PPAT: variants seen among roughly 807,000 people sequenced by gnomAD.
PPAT encodes phosphoribosyl pyrophosphate amidotransferase, also known as amidophosphoribosyltransferase.
A neutral mutation model predicts 60.2 loss-of-function variants in PPAT; 20 were observed. The ratio of observed to expected loss-of-function variants is 0.33; its 90% CI spans 0.23 to 0.48. PPAT has a LOEUF of 0.48. PPAT is among the 20% of genes least tolerant of loss of function. The probability of loss-of-function intolerance (pLI) is 0.99; values close to 1 mark genes in which losing one functional copy is unlikely to be tolerated. For synonymous variants in PPAT, 194 were observed against 215.1 expected, an observed-to-expected ratio of 0.90 and a Z score of 0.86; for missense variants, 349 against 629.6, an observed-to-expected ratio of 0.55 and a Z score of 4.77.
At chr4:56,397,058 A>G (rs1489382128) in intron 9 of PPAT, among the ~76,000 whole-genome samples, 1 of 152,154 alleles carries the variant, frequency 6.6e-6, no homozygotes, top group East Asian at 1.9e-4. Context: ...TTATAACAAA[A>G]ACCTTACTAC....
chr4:56,428,906 A>C, intron 1 of PPAT: 1 of 651,810 alleles, frequency 1.5e-6, no homozygotes, highest in Non-Finnish European at 1.9e-6. Context: ...AAATGATGTC[A>C]CATAATGATT....
chr4:56,419,612 AG>A (rs1328646886), intron 1 of PPAT: 1 of 935,222 alleles, frequency 1.1e-6, no homozygotes, highest in East Asian at 1.2e-4. Flanking sequence ...TACCTAATGC[AG>A]GTATCTCTAC....
At chr4:56,402,972 G>A (rs776835727) in intron 5 of PPAT, 68 bp downstream of exon 5, 35 of 1,417,776 alleles carry the variant, frequency 2.5e-5, no homozygotes, top group Non-Finnish European at 3.1e-5. Flanking sequence ...AAAGATTTCA[G>A]GGCTTGATAG....
intron 1 of PPAT, chr4:56,422,816 T>C (rs745649745): frequency 1.3e-5 from 2 of 152,172 alleles, no homozygotes; most frequent in Non-Finnish European, 2.9e-5. Context: ...AAATAATTAA[T>C]GGAAGCAATG....
chr4:56,413,730 T>C (rs1716583671), intron 1 of PPAT, among the ~76,000 whole-genome samples: 1 of 151,934 alleles, frequency 6.6e-6, no homozygotes, highest in Non-Finnish European at 1.5e-5. Context: ...ACCCCGTCTC[T>C]ACTAAAAATA....
chr4:56,426,401 C>CA (rs113640946), intron 1 of PPAT, among the ~76,000 whole-genome samples: 5,726 of 140,126 alleles, frequency 0.041, 341 homozygotes, highest in African/African-American at 0.13. Context: ...GACTCTGTCT[C>CA]AAAAAAAAAA....
chr4:56,410,043 CTT>C (rs1157702159), intron 1 of PPAT, among the ~76,000 whole-genome samples: 2 of 152,118 alleles, frequency 1.3e-5, no homozygotes, highest in Non-Finnish European at 2.9e-5. Flanking sequence ...AATAAATTGA[CTT>C]ATGATTTCTT....
At chr4:56,419,743 T>G (rs2030364) in intron 1 of PPAT, 492,645 of 981,750 alleles carry the variant, frequency 0.5, 124,346 homozygotes, top group East Asian at 0.53. Flanking sequence ...GATAAAAGCA[T>G]ACAACGACAA....
intron 1 of PPAT, chr4:56,431,499 CAA>C (rs767112601): frequency 6.1e-6 from 6 of 979,932 alleles, no homozygotes; most frequent in Non-Finnish European, 7.3e-6. Context: ...ATAACAGAAC[CAA>C]AAGATTCTAC....
chr4:56,406,424 C>G, intron 3 of PPAT, 71 bp downstream of exon 3: 1 of 1,488,540 alleles, frequency 6.7e-7, no homozygotes, highest in South Asian at 1.1e-5. Flanking sequence ...TTACAAAGAT[C>G]CTTAACTTTT....
At chr4:56,431,404 C>T in intron 1 of PPAT, 2 of 976,732 alleles carry the variant, frequency 2.0e-6, no homozygotes, top group Non-Finnish European at 1.2e-6. Context: ...TGGTAATGTT[C>T]TGTACTCTGT....
chr4:56,433,375 C>T (rs573201368), intron 1 of PPAT, among the ~76,000 whole-genome samples: 4 of 137,880 alleles, frequency 2.9e-5, no homozygotes, highest in African/African-American at 1.1e-4. Context: ...ATATATGTAA[C>T]CAGGAATCAA....
intron 9 of PPAT, among the ~76,000 whole-genome samples, chr4:56,397,775 C>G (rs1260151996): frequency 2.0e-5 from 3 of 151,922 alleles, no homozygotes; most frequent in African/African-American, 7.2e-5. Context: ...GGTATGGTGG[C>G]TCACACCTGT....
intron 1 of PPAT, among the ~76,000 whole-genome samples, chr4:56,412,862 T>G (rs1716532369): frequency 6.6e-6 from 1 of 152,198 alleles, no homozygotes; most frequent in Non-Finnish European, 1.5e-5. Context: ...ATACCACTAG[T>G]TGTTCTTTAC....
At chr4:56,397,764 G>A (rs766911124) in intron 9 of PPAT, among the ~76,000 whole-genome samples, 2 of 152,022 alleles carry the variant, frequency 1.3e-5, no homozygotes, top group African/African-American at 2.4e-5. Context: ...AAGTGAGGCC[G>A]GGTATGGTGG....
At chr4:56,414,791 C>T (rs1357685325) in intron 1 of PPAT, among the ~76,000 whole-genome samples, 1 of 152,162 alleles carries the variant, frequency 6.6e-6, no homozygotes, top group Non-Finnish European at 1.5e-5. Flanking sequence ...TGTTAAATAA[C>T]CTGGGCCCTG....
rs557415803 is a variant in PPAT at position 56,393,950 on chromosome 4, G to C, written c.*1402C>G. On this transcript the variant is annotated 3_prime_UTR_variant, in exon 11 of 11. Coordinates refer to ENST00000264220, the MANE Select transcript of PPAT (RefSeq NM_002703.5). ...TAAAGAGCTGTCAAAATTTTATCTT[G>C]GCCTGCTATAATATAATATGCGAGA... 84 of 152,140 alleles carry C rather than the reference G, an allele frequency of 5.5e-4. No homozygotes were observed. The highest frequency in any genetic ancestry group is 1.9e-3 in the African/African-American group (77 of 41,496). 9.4% of individuals were successfully genotyped at this position (152,140 alleles called of 1,614,324 possible).
chr4:56,434,188 T>C (rs1717767270), intron 1 of PPAT, among the ~76,000 whole-genome samples: 1 of 152,230 alleles, frequency 6.6e-6, no homozygotes, highest in African/African-American at 2.4e-5. Context: ...GCTTCCCACA[T>C]TCTCAGCTCT....
At chr4:56,432,864 AC>A (rs1273051132) in intron 1 of PPAT, among the ~76,000 whole-genome samples, 1 of 151,358 alleles carries the variant, frequency 6.6e-6, no homozygotes, top group Non-Finnish European at 1.5e-5. Context: ...ACACAATCAA[AC>A]CTTTTTGCAG....
Sources: gnomAD v4.1 joint callset for allele counts (sites outside exome capture counted in the v4.1 genomes callset) on GRCh38, gnomAD v4.1.1 for gene constraint, MANE v1.5 for transcripts, NCBI Gene and HGNC (gene_info 2026-07-23, HGNC 2026-07-21) for gene names.